The following ABL2 variants were observed in gnomAD, a reference collection of about 807,000 sequenced individuals.
ABL2 encodes ABL proto-oncogene 2, non-receptor tyrosine kinase.
A neutral mutation model predicts 107.7 loss-of-function variants in ABL2; 49 were observed. The ratio of observed to expected loss-of-function variants is 0.45; its 90% CI spans 0.36 to 0.58. The LOEUF is 0.58. Ranked by LOEUF, ABL2 falls within the 20% of genes least tolerant of loss-of-function variation. The pLI is 0.00. For missense variants in ABL2, 1,245 were observed against 1,457.0 expected (o/e 0.85, Z 2.37); for synonymous variants, 549 against 548.6 (o/e 1.00, Z -0.01).
intron 1 of ABL2, among the ~76,000 whole-genome samples, chr1:179,150,968 T>C (rs1385693893): frequency 7.9e-5 from 12 of 152,248 alleles, no homozygotes; most frequent in African/African-American, 2.4e-4. Flanking sequence ...AAGTCTCAGA[T>C]GATCATCAGC....
At chr1:179,121,541 T>C in intron 5 of ABL2, 54 bp downstream of exon 5, 1 of 1,574,676 alleles carries the variant, frequency 6.4e-7, no homozygotes, top group Non-Finnish European at 8.6e-7. Context: ...TATTTCCAAG[T>C]GATTGAGCAC....
chr1:179,229,204 C>CCCCG, intron 1 of ABL2, 37 bp downstream of exon 1: 1 of 1,448,282 alleles, frequency 6.9e-7, no homozygotes, highest in Non-Finnish European at 9.2e-7. Flanking sequence ...CCCCCGGCCT[C>CCCCG]CCCCACGCTC....
intron 1 of ABL2, among the ~76,000 whole-genome samples, chr1:179,203,313 CT>C (rs1177279620): frequency 6.6e-6 from 1 of 152,156 alleles, no homozygotes; most frequent in Non-Finnish European, 1.5e-5. Context: ...CCTTTGTAAG[CT>C]GTTTCCTTAA....
rs192686384 is a variant in ABL2 at position 179,217,216 on chromosome 1, C to T, written c.157+12025G>A. ...GGCTGAAGCAGGAAAATCGCTTGAACTCAGAAGGCCGAGGTTGAACCCAAG... is the reference window on the plus strand; with the variant it reads ...GGCTGAAGCAGGAAAATCGCTTGAATTCAGAAGGCCGAGGTTGAACCCAAG... On this transcript the variant is annotated intron_variant, in intron 1 of 11. Transcript: ENST00000502732. Among the ~76,000 whole-genome samples the T allele has an allele frequency of 7.9e-5, 12 of 151,922 alleles. No homozygotes were observed. The East Asian group carries it at 2.4e-3, about 30-fold the overall frequency.
chr1:179,202,776 C>A (rs1384207880), intron 1 of ABL2, among the ~76,000 whole-genome samples: 1 of 151,970 alleles, frequency 6.6e-6, no homozygotes, highest in Non-Finnish European at 1.5e-5. Context: ...ACAGAAGAAA[C>A]AAATAACAAT....
At chr1:179,182,937 G>T (rs1660462914) in intron 1 of ABL2, among the ~76,000 whole-genome samples, 1 of 152,036 alleles carries the variant, frequency 6.6e-6, no homozygotes, top group South Asian at 2.1e-4. Flanking sequence ...TTTTTTTGAG[G>T]TACAGAAAAC....
intron 1 of ABL2, among the ~76,000 whole-genome samples, chr1:179,215,391 AATT>A (rs1296465222): frequency 6.6e-6 from 1 of 152,096 alleles, no homozygotes; most frequent in African/African-American, 2.4e-5. Flanking sequence ...TATGCTTCTG[AATT>A]ATTATTTTTT....
At chr1:179,218,255 C>CA (rs1368649264) in intron 1 of ABL2, among the ~76,000 whole-genome samples, 10 of 151,956 alleles carry the variant, frequency 6.6e-5, no homozygotes, top group Admixed American at 2.0e-4. Context: ...GATAAACCAC[C>CA]AAAAAAATGG....
intron 1 of ABL2, among the ~76,000 whole-genome samples, chr1:179,148,630 A>G (rs916125497): frequency 2.0e-5 from 3 of 152,176 alleles, no homozygotes; most frequent in African/African-American, 7.2e-5. Context: ...AACTGGGCAC[A>G]GTGGCTCACG....
chr1:179,161,697 C>T (rs891262082), intron 1 of ABL2, among the ~76,000 whole-genome samples: 4 of 152,140 alleles, frequency 2.6e-5, no homozygotes, highest in African/African-American at 7.2e-5. Flanking sequence ...GATGACACAG[C>T]GAGACCCTCT....
intron 1 of ABL2, among the ~76,000 whole-genome samples, chr1:179,169,002 T>C (rs1659553045): frequency 6.6e-6 from 1 of 152,202 alleles, no homozygotes; most frequent in Admixed American, 6.5e-5. Context: ...TAATTTCATC[T>C]GGACACTACC....
chr1:179,118,778 A>G lies in ABL2; in HGVS notation c.1046-14T>C, dbSNP rs767329994. 4 of 1,611,828 alleles carry G rather than the reference A, an allele frequency of 2.5e-6. No individual in the cohort carries two copies. Among genetic ancestry groups the G allele is most frequent in the East Asian group, 2.2e-5 (1 of 44,840 alleles). On this transcript the variant is annotated splice_polypyrimidine_tract_variant and intron_variant, in intron 6 of 11. Transcript: ENST00000502732. ...AAGTACACACACCTAAAAGTTGAAC[A>G]ATAGTGCTTGTTTTTATTAGTGTAC...
At chr1:179,177,852 C>T (rs531694713) in intron 1 of ABL2, among the ~76,000 whole-genome samples, 59 of 152,146 alleles carry the variant, frequency 3.9e-4, no homozygotes, top group Admixed American at 3.0e-3. Flanking sequence ...ATTTCTTTTC[C>T]GTAATGAATT....
intron 1 of ABL2, among the ~76,000 whole-genome samples, chr1:179,141,481 C>T (rs1044693338): frequency 4.6e-5 from 7 of 151,960 alleles, no homozygotes; most frequent in East Asian, 1.9e-4. Flanking sequence ...ATCTACAGCA[C>T]GATTTTATGT....
chr1:179,210,667 C>T (rs190138475), intron 1 of ABL2, among the ~76,000 whole-genome samples: 2 of 151,852 alleles, frequency 1.3e-5, no homozygotes, highest in African/African-American at 4.8e-5. Context: ...CTGGCTAACA[C>T]AGTGAAACCT....
intron 1 of ABL2, among the ~76,000 whole-genome samples, chr1:179,142,122 A>G (rs879380740): frequency 6.6e-6 from 1 of 152,242 alleles, no homozygotes; most frequent in Non-Finnish European, 1.5e-5. Flanking sequence ...TGAAATGACT[A>G]CTATAAATTA....
chr1:179,117,527 G>C lies in ABL2; in HGVS notation c.1224-11C>G. On this transcript the variant is annotated splice_polypyrimidine_tract_variant and intron_variant, in intron 7 of 11. Coordinates refer to ENST00000502732, the MANE Select transcript of ABL2 (RefSeq NM_007314.4). ...CGAGCTGCAAGATCTCTGTGGGAAAGAGAACCCTAATGTGATTCCATTCAG... is the reference window on the plus strand; with the variant it reads ...CGAGCTGCAAGATCTCTGTGGGAAACAGAACCCTAATGTGATTCCATTCAG... The C allele has an allele frequency of 2.5e-6, 4 of 1,613,652 alleles. No homozygotes were observed. The highest frequency in any genetic ancestry group is 3.4e-6 in the Non-Finnish European group (4 of 1,179,936).
chr1:179,160,221 G>C (rs982158247), intron 1 of ABL2, among the ~76,000 whole-genome samples: 13 of 151,772 alleles, frequency 8.6e-5, no homozygotes, highest in Non-Finnish European at 1.8e-4. Context: ...TAAATATTAA[G>C]TATCTACTTC....
chr1:179,126,737 G>T lies in ABL2; in HGVS notation c.392-65C>A. ...AAGACTTTATTTCAACTGAAGCAGTGTACTGTCAAACTTTAAACTCATTAA... is the reference window on the plus strand; with the variant it reads ...AAGACTTTATTTCAACTGAAGCAGTTTACTGTCAAACTTTAAACTCATTAA... On this transcript the variant is annotated intron_variant, in intron 3 of 11. Coordinates refer to ENST00000502732, the MANE Select transcript of ABL2 (RefSeq NM_007314.4). The surrounding 1 kb of genome is among the most constrained non-coding windows in gnomAD (Gnocchi z 4.4). The T allele has an allele frequency of 1.4e-6, 2 of 1,406,990 alleles. No homozygotes were observed. The highest frequency in any genetic ancestry group is 1.9e-6 in the Non-Finnish European group (2 of 1,036,748). 87.2% of individuals were successfully genotyped at this position (1,406,990 alleles called of 1,614,324 possible).
Sources: gnomAD v4.1 joint callset for allele counts (sites outside exome capture counted in the v4.1 genomes callset) on GRCh38, gnomAD v4.1.1 for gene constraint, Gnocchi (gnomAD v3.1) non-coding constraint, MANE v1.5 for transcripts, NCBI Gene and HGNC (gene_info 2026-07-23, HGNC 2026-07-21) for gene names.